KDM3A: variants seen among roughly 807,000 people sequenced by gnomAD.
KDM3A encodes the protein lysine-specific demethylase 3A.
KDM3A carries 60 observed loss-of-function variants against 158.0 expected under a neutral mutation model. That is an observed-to-expected ratio of 0.38 (90% CI 0.31 to 0.47). The LOEUF (loss-of-function observed/expected upper bound fraction) is 0.47. Ranked by LOEUF, KDM3A falls within the 20% of genes least tolerant of loss-of-function variation. KDM3A has a pLI of 0.99. For synonymous variants in KDM3A, 608 were observed against 549.3 expected, an observed-to-expected ratio of 1.11 and a Z score of -1.49; for missense variants, 1,319 against 1,574.3, an observed-to-expected ratio of 0.84 and a Z score of 2.74.
chr2:86,437,724 C>T (rs1558595605), upstream of KDM3A, among the ~76,000 whole-genome samples: 1 of 152,032 alleles, frequency 6.6e-6, no homozygotes, highest in East Asian at 1.9e-4. Flanking sequence ...AGGTTGTGTT[C>T]ATTTCATGTA....
rs546755224 is a variant in KDM3A, at chr2:86,478,648, G to A, written c.2229G>A (p.Ala743=). ...GAGACATTGTTCATTCTGTAAGAGC[G>A]AAATGGGGAATAAAGGCAAACTGCC... ...DVGDIVHSVR[A]KWGIKANCPC... The change falls in exon 15 of 26, where the codon GCG becomes GCA. Residue 743 remains alanine (A), a synonymous_variant. Transcript: ENST00000312912. The A allele has an allele frequency of 9.3e-6, 15 of 1,613,980 alleles. No individual in the cohort carries two copies. Among genetic ancestry groups the A allele is most frequent in the Middle Eastern group, 1.7e-4 (1 of 6,060 alleles).
chr2:86,467,380 T>G (rs1221451541), intron 10 of KDM3A: 1 of 152,766 alleles, frequency 6.5e-6, no homozygotes, highest in Non-Finnish European at 1.5e-5. Context: ...TAGCTAAGAT[T>G]TGAAATTTTA....
chr2:86,478,669 C>T lies in KDM3A; in HGVS notation c.2250C>T (p.Asn750=), dbSNP rs755644782. 1.2e-6 allele frequency: 2 copies of T among 1,613,498 alleles called. No individual in the cohort carries two copies. Among genetic ancestry groups the T allele is most frequent in the African/African-American group, 2.7e-5 (2 of 74,928 alleles). ...GAGCGAAATGGGGAATAAAGGCAAACTGCCCTTGTTCAAACAGGCAATTCA... is the reference window on the plus strand; with the variant it reads ...GAGCGAAATGGGGAATAAAGGCAAATTGCCCTTGTTCAAACAGGCAATTCA... The part of the protein sequence containing the change: ...SVRAKWGIKA[N]CPCSNRQFKL... The change falls in exon 15 of 26, where the codon AAC becomes AAT. Residue 750 remains asparagine (N), a synonymous_variant. Transcript: ENST00000312912.
intron 2 of KDM3A, among the ~76,000 whole-genome samples, chr2:86,445,128 A>G (rs1269065238): frequency 6.6e-6 from 1 of 152,236 alleles, no homozygotes; most frequent in Non-Finnish European, 1.5e-5. Context: ...ATATTCAGGT[A>G]GAGCGAGGTT....
chr2:86,486,410 C>T (rs1490117427), intron 21 of KDM3A, among the ~76,000 whole-genome samples: 3 of 152,136 alleles, frequency 2.0e-5, no homozygotes, highest in Non-Finnish European at 4.4e-5. Flanking sequence ...TTTACCAGAG[C>T]TTTCTTTCAT....
chr2:86,481,467 G>A (rs1382244849), intron 16 of KDM3A, among the ~76,000 whole-genome samples: 1 of 151,550 alleles, frequency 6.6e-6, no homozygotes, highest in East Asian at 1.9e-4. Context: ...TGGCCAAGCT[G>A]GTCTTTGAGG....
intron 1 of KDM3A, 96 bp from the exon 2 acceptor site, chr2:86,441,922 G>C (rs890784246): frequency 2.1e-6 from 2 of 966,388 alleles, no homozygotes; most frequent in Non-Finnish European, 3.0e-6. Context: ...GCGTCCTCGC[G>C]CGGGTTCGGC....
At chr2:86,484,518 C>T (rs1223132059) in intron 19 of KDM3A, among the ~76,000 whole-genome samples, 1 of 152,210 alleles carries the variant, frequency 6.6e-6, no homozygotes, top group African/African-American at 2.4e-5. Context: ...ATGCTGCTCA[C>T]TTCTTCTGGA....
intron 2 of KDM3A, chr2:86,443,201 G>C (rs1264836366): frequency 6.6e-6 from 1 of 152,234 alleles, no homozygotes; most frequent in Non-Finnish European, 1.5e-5. Flanking sequence ...ACCCTGCCTA[G>C]TAGATGTGTT....
chr2:86,481,856 C>G, intron 16 of KDM3A, 74 bp from the exon 17 acceptor site: 1 of 1,133,456 alleles, frequency 8.8e-7, no homozygotes. Flanking sequence ...TAAAGTAATT[C>G]TGCTAGTAGA....
intron 4 of KDM3A, among the ~76,000 whole-genome samples, chr2:86,453,104 C>T (rs1371449198): frequency 6.6e-6 from 1 of 151,754 alleles, no homozygotes; most frequent in Admixed American, 6.6e-5. Flanking sequence ...AAGGTAGAAC[C>T]CTAGTTTTGT....
At chr2:86,456,611 G>T in intron 6 of KDM3A, 45 bp downstream of exon 6, 1 of 1,558,524 alleles carries the variant, frequency 6.4e-7, no homozygotes, top group Non-Finnish European at 8.8e-7. Context: ...GACAAAGCAT[G>T]ATAACTATAC....
chr2:86,480,132 G>C, intron 15 of KDM3A, 35 bp from the exon 16 acceptor site: 1 of 1,500,772 alleles, frequency 6.7e-7, no homozygotes, highest in Non-Finnish European at 9.2e-7. Context: ...TCATTCTTCA[G>C]CTTATGTAAA....
chr2:86,471,391 A>G lies in KDM3A; in HGVS notation c.1724+983A>G, dbSNP rs549018081. Among the ~76,000 whole-genome samples the G allele has an allele frequency of 4.0e-5, 6 of 151,844 alleles. No homozygotes were observed. In the East Asian group the frequency reaches 1.2e-3, roughly 29 times the overall value. ...TATATATGTATATATATGTGTGTAT[A>G]TATATATATTTTCAAAATCATTTTC... On this transcript the variant is annotated intron_variant, in intron 11 of 25. Transcript: ENST00000312912.
chr2:86,442,989 G>C (rs1453393434), intron 2 of KDM3A, among the ~76,000 whole-genome samples: 1 of 152,258 alleles, frequency 6.6e-6, no homozygotes, highest in African/African-American at 2.4e-5. Context: ...TTTTCTGTTA[G>C]ATCTTTTCAA....
chr2:86,488,894 C>T, intron 21 of KDM3A: 1 of 165,268 alleles, frequency 6.1e-6, no homozygotes. Context: ...GGCAGTATTC[C>T]TTCTTATACT....
rs145935155 is a variant in KDM3A, at chr2:86,482,092, C to G, written c.2675C>G (p.Ser892Cys). The G allele has an allele frequency of 5.6e-6, 9 of 1,613,452 alleles. No individual in the cohort carries two copies. The Middle Eastern group carries it at 6.6e-4, about 118-fold the overall frequency. Residue 892 changes from serine (S) to cysteine (C), a missense_variant, in exon 17 of 26, where the codon TCT becomes TGT. Ser to Cys is a moderately radical substitution (Grantham distance 112). Coordinates refer to ENST00000312912, the MANE Select transcript of KDM3A (RefSeq NM_018433.6). ...TTCCTCCGGAATCTCTTGAATTCTT[C>G]TACAGGAAAGGTATGTGTTTGTTTG... ...SGFLRNLLNS[S>C]TGKTENGLKN...
At chr2:86,443,069 G>T (rs1305208333) in intron 2 of KDM3A, 1 of 152,192 alleles carries the variant, frequency 6.6e-6, no homozygotes, top group South Asian at 2.1e-4. Context: ...GGAACAAGCA[G>T]TGAGGAAGCC....
intron 8 of KDM3A, among the ~76,000 whole-genome samples, chr2:86,463,102 CAA>C (rs1672992695): frequency 6.6e-6 from 1 of 151,972 alleles, no homozygotes; most frequent in Non-Finnish European, 1.5e-5. Context: ...AAACAAAAAA[CAA>C]AACAGAAAAC....
Sources: allele counts gnomAD v4.1 joint callset (sites outside exome capture counted in the v4.1 genomes callset), GRCh38; gene constraint gnomAD v4.1.1; transcripts MANE v1.5; gene names NCBI Gene and HGNC (gene_info 2026-07-23, HGNC 2026-07-21).